Variants in PGAP4 observed in about 807,000 individuals in gnomAD.
PGAP4 encodes the protein post-GPI attachment to proteins GalNAc transferase 4.
In PGAP4, 12 loss-of-function variants were observed where a neutral mutation model predicts 28.2. The ratio of observed to expected loss-of-function variants is 0.42; its 90% CI spans 0.27 to 0.69. The LOEUF is 0.69. Ranked by LOEUF, PGAP4 falls within the 30% of genes least tolerant of loss-of-function variation. The pLI is 0.22. For synonymous variants in PGAP4, 205 were observed against 211.8 expected (o/e 0.97, Z 0.28); for missense variants, 425 against 513.5 (o/e 0.83, Z 1.67).
At position 101,486,144 on chromosome 9, in the gene PGAP4, C is replaced by T. The variant is rs574687754; in HGVS notation, c.-78+805G>A. Among the ~76,000 whole-genome samples, 19 of 152,290 alleles carry T rather than the reference C, an allele frequency of 1.2e-4. No individual in the cohort carries two copies. The highest frequency in any genetic ancestry group is 5.2e-4 in the Admixed American group (8 of 15,306). On this transcript the variant is annotated intron_variant, in intron 1 of 1. Coordinates refer to ENST00000374848, the MANE Select transcript of PGAP4 (RefSeq NM_032342.3). This position sits in a 1 kb window ranked among gnomAD's most constrained non-coding sequence, Gnocchi z 4.7. ...AGTGCGACACTAGCGACGCCGGAGC[C>T]AAGGGCCAGAAAGAGGGCGAGACAC... is the stretch of plus-strand genomic sequence containing the variant.
intron 2 of PGAP4, among the ~76,000 whole-genome samples, chr9:101,499,269 T>C (rs1007726373): frequency 1.3e-5 from 2 of 151,938 alleles, no homozygotes; most frequent in South Asian, 2.1e-4. Flanking sequence ...AGGTGAGCTG[T>C]GGAAGTGGAG....
At chr9:101,508,126 GTTTTT>G (rs199835888) in intron 2 of PGAP4, among the ~76,000 whole-genome samples, 11 of 127,726 alleles carry the variant, frequency 8.6e-5, no homozygotes, top group Non-Finnish European at 1.2e-4. Context: ...CTTTTTGAGT[GTTTTT>G]TTTTTTTTTT....
Position 101,475,990 on chromosome 9 carries a change from G to A in PGAP4, c.1103C>T (p.Ser368Leu), listed in dbSNP as rs755980715. 17 of 1,614,064 alleles carry A rather than the reference G, an allele frequency of 1.1e-5. No individual in the cohort carries two copies. Among genetic ancestry groups the A allele is most frequent in the African/African-American group, 4.0e-5 (3 of 74,924 alleles). Residue 368 changes from serine (S) to leucine (L), a missense_variant, in exon 2 of 2, where the codon TCG becomes TTG. Physicochemically the swap from Ser to Leu is moderately radical, Grantham distance 145. Coordinates refer to ENST00000374848, the MANE Select transcript of PGAP4 (RefSeq NM_032342.3). ...CCTCTCTCCCTTGGCCCTCAACAGC[G>A]AGTACAGTGCCATGTCCTTGCCAAA... is the stretch of plus-strand genomic sequence containing the variant. ...KGFGKDMALY[S>L]LLRAKGERAY...
rs1826327365 is a variant in PGAP4, at chr9:101,476,664, C to G, written c.429G>C (p.Leu143=). Residue 143 remains leucine, a synonymous_variant, in exon 2 of 2, where the codon CTG becomes CTC. Transcript: ENST00000374848. The surrounding 1 kb of genome is among the most constrained non-coding windows in gnomAD (Gnocchi z 7.0). ...GPQCEGHQLF[L]CNVERSVSHF... is the part of the protein sequence containing the mutation. ...GGCTCACACTACGCTCCACGTTGCA[C>G]AGGAAGAGTTGGTGCCCCTCGCACT... 5 of 1,614,186 alleles carry G rather than the reference C, an allele frequency of 3.1e-6. No homozygotes were observed. The highest frequency in any genetic ancestry group is 4.2e-6 in the Non-Finnish European group (5 of 1,180,042).
intron 2 of PGAP4, among the ~76,000 whole-genome samples, chr9:101,519,393 A>G (rs893863783): frequency 2.0e-5 from 3 of 152,094 alleles, no homozygotes; most frequent in African/African-American, 7.2e-5. Context: ...TCTTGAGCTC[A>G]GGCAATCCAC....
At chr9:101,496,533 A>T (rs1826750630) in intron 2 of PGAP4, among the ~76,000 whole-genome samples, 1 of 151,512 alleles carries the variant, frequency 6.6e-6, no homozygotes. Flanking sequence ...TTTTAATATC[A>T]AAGCTTAATC....
At chr9:101,490,516 G>A (rs1356848706), upstream of PGAP4, among the ~76,000 whole-genome samples, 1 of 152,202 alleles carries the variant, frequency 6.6e-6, no homozygotes, top group Admixed American at 6.5e-5. Context: ...CAAGATTTAG[G>A]TTCTTGGTGC....
rs2118496549 is a variant in PGAP4 at position 101,477,007 on chromosome 9, A to C, written c.86T>G (p.Ile29Ser). ...SWGSTAVQLF[I>S]LTVVTFGLLA... is the part of the protein sequence containing the mutation. Reference sequence around the variant, plus strand: ...CAGGCCAAACGTCACCACTGTTAGGATGAAGAGCTGGACAGCAGTGCTGCC... The same window carrying C: ...CAGGCCAAACGTCACCACTGTTAGGCTGAAGAGCTGGACAGCAGTGCTGCC... Residue 29 changes from isoleucine to serine, a missense_variant, in exon 2 of 2, where the codon ATC (isoleucine) becomes AGC (serine). By Grantham distance (142) the Ile-to-Ser change is moderately radical. Transcript: ENST00000374848. The C allele has an allele frequency of 1.9e-6, 3 of 1,613,810 alleles. No individual in the cohort carries two copies. The South Asian group carries it at 3.3e-5, about 18-fold the overall frequency.
chr9:101,502,286 G>C (rs193230272), intron 2 of PGAP4, among the ~76,000 whole-genome samples: 34 of 152,158 alleles, frequency 2.2e-4, no homozygotes, highest in Admixed American at 2.0e-3. Context: ...GTTTGAACTT[G>C]TTAAGAAAAT....
chr9:101,525,273 A>G (rs950823473), intron 2 of PGAP4, among the ~76,000 whole-genome samples: 3 of 152,140 alleles, frequency 2.0e-5, no homozygotes, highest in African/African-American at 7.2e-5. Context: ...CTTCATATTT[A>G]TTTACACGTA....
At chr9:101,480,603 C>T (rs1420081166) in intron 1 of PGAP4, 1 of 151,954 alleles carries the variant, frequency 6.6e-6, no homozygotes, top group African/African-American at 2.4e-5. Context: ...ATTTGTATTC[C>T]AGGGAGGGGC....
Position 101,476,123 on chromosome 9 carries a change from A to G in PGAP4, c.970T>C (p.Tyr324His). 1 of 1,614,070 alleles carries G rather than the reference A, an allele frequency of 6.2e-7. No homozygotes were observed. Among genetic ancestry groups the G allele is most frequent in the African/African-American group, 1.3e-5 (1 of 75,036 alleles). Reference sequence around the variant, plus strand: ...CACTGAGAGGCAGGAACCACACTGTACAGGGAAGGACTCAGCCGCCGCAGT... The same window carrying G: ...CACTGAGAGGCAGGAACCACACTGTGCAGGGAAGGACTCAGCCGCCGCAGT... ...LELRRLSPSL[Y>H]SVVPASQCCT... is the part of the protein sequence containing the mutation. The change falls in exon 2 of 2, where the codon TAC becomes CAC. Residue 324 changes from tyrosine to histidine, a missense_variant. Tyr to His is a moderately conservative substitution (Grantham distance 83). Coordinates refer to ENST00000374848, the MANE Select transcript of PGAP4 (RefSeq NM_032342.3). This position sits in a 1 kb window ranked among gnomAD's most constrained non-coding sequence, Gnocchi z 7.0.
At chr9:101,504,102 C>T (rs942967035) in intron 2 of PGAP4, among the ~76,000 whole-genome samples, 8 of 151,724 alleles carry the variant, frequency 5.3e-5, no homozygotes, top group Non-Finnish European at 1.0e-4. Context: ...CAACCTGAGC[C>T]AGCATGATAA....
intron 2 of PGAP4, among the ~76,000 whole-genome samples, chr9:101,497,432 T>C (rs2118588232): frequency 6.6e-6 from 1 of 151,778 alleles, no homozygotes; most frequent in Middle Eastern, 3.4e-3. Context: ...GAGTTAGCTG[T>C]TGTTTTAAAC....
intron 2 of PGAP4, among the ~76,000 whole-genome samples, chr9:101,503,489 T>TATAAAAATCATAA (rs1323799968): frequency 2.0e-5 from 3 of 152,120 alleles, no homozygotes; most frequent in African/African-American, 7.2e-5. Context: ...ATTTTCATGT[T>TATAAAAATCATAA]GGGTGGTAGT....
At chr9:101,522,318 G>A (rs1049998883) in intron 2 of PGAP4, among the ~76,000 whole-genome samples, 3 of 152,132 alleles carry the variant, frequency 2.0e-5, no homozygotes, top group African/African-American at 4.8e-5. Context: ...GAGTATTGAA[G>A]TCCCCTACTA....
chr9:101,489,569 A>G (rs1442347674), upstream of PGAP4, among the ~76,000 whole-genome samples: 1 of 152,226 alleles, frequency 6.6e-6, no homozygotes, highest in Admixed American at 6.5e-5. Context: ...TCACTAATGG[A>G]ATGAGGCAGT....
rs1743264165 is a variant in PGAP4, at chr9:101,474,036, C to G, written c.*1845G>C. ...AATGTGTTTCTGCCATCTTAGCTTA[C>G]AGAGACATGATCTAGTTCAGCTTAT... On this transcript the variant is annotated 3_prime_UTR_variant, in exon 2 of 2. Coordinates refer to ENST00000374848, the MANE Select transcript of PGAP4 (RefSeq NM_032342.3). 6.6e-6 allele frequency: 1 copy of G among 152,196 alleles called. No homozygotes were observed. The highest frequency in any genetic ancestry group is 1.5e-5 in the Non-Finnish European group (1 of 68,038). The allele number at this position is 152,196 out of a possible 1,614,324, so 9.4% of individuals were successfully genotyped here.
chr9:101,485,591 A>G (rs1365593760), intron 1 of PGAP4, among the ~76,000 whole-genome samples: 1 of 152,186 alleles, frequency 6.6e-6, no homozygotes, highest in East Asian at 1.9e-4. Context: ...GAAATGCAAA[A>G]GGCTACTACA....
Sources: allele counts gnomAD v4.1 joint callset (sites outside exome capture counted in the v4.1 genomes callset), GRCh38; gene constraint gnomAD v4.1.1; non-coding constraint Gnocchi (gnomAD v3.1); transcripts MANE v1.5; gene names NCBI Gene and HGNC (gene_info 2026-07-23, HGNC 2026-07-21).